CFAP46: variants seen among roughly 807,000 people sequenced by gnomAD.
CFAP46 encodes the protein cilia and flagella associated protein 46.
Under a neutral mutation model 325.7 loss-of-function variants are expected in CFAP46, and 245 were observed. That is an observed-to-expected ratio of 0.75 (90% CI 0.68 to 0.84). The LOEUF (loss-of-function observed/expected upper bound fraction) is 0.84. CFAP46 is among the 40% of genes least tolerant of loss of function. The pLI is 0.00. For missense variants in CFAP46, 3,346 were observed against 3,543.0 expected, an observed-to-expected ratio of 0.94 and a Z score of 1.41; for synonymous variants, 1,523 against 1,495.9, an observed-to-expected ratio of 1.02 and a Z score of -0.42.
chr10:132,938,509 C>A lies in CFAP46; in HGVS notation c.536+80G>T, dbSNP rs545504137. ...CAGTGATGTGGAACTCCCGTCCCCCCCCCGGAGAAGGGGTGGTGGCCTCAG... is the reference window on the plus strand; with the variant it reads ...CAGTGATGTGGAACTCCCGTCCCCCACCCGGAGAAGGGGTGGTGGCCTCAG... On this transcript the variant is annotated intron_variant, in intron 5 of 57. Coordinates refer to ENST00000368586, the MANE Select transcript of CFAP46 (RefSeq NM_001200049.3). The A allele has an allele frequency of 2.7e-5, 38 of 1,389,250 alleles. 1 individual carries two copies. The South Asian group carries it at 3.5e-4, about 13-fold the overall frequency. 86.1% of individuals were successfully genotyped at this position (1,389,250 alleles called of 1,614,324 possible).
chr10:132,910,559 G>A (rs1304612854), intron 19 of CFAP46, among the ~76,000 whole-genome samples: 7 of 152,228 alleles, frequency 4.6e-5, no homozygotes, highest in Admixed American at 3.3e-4. Flanking sequence ...CATGCTGTGC[G>A]CCTCAGTTTC....
chr10:132,840,000 G>A (rs1848323903), intron 44 of CFAP46, among the ~76,000 whole-genome samples: 2 of 152,168 alleles, frequency 1.3e-5, no homozygotes, highest in South Asian at 4.1e-4. Flanking sequence ...TAGTAAAAGA[G>A]GAAGTTGTTT....
At position 132,937,041 on chromosome 10, in the gene CFAP46, T is replaced by C; in HGVS notation, c.675A>G (p.Leu225=). ...QIFSVMVRHE[L]MDELQLKEEK... ...CTTCCTTTAACTGAAGTTCGTCCAT[T>C]AATTCATGACGAACCTGTCATAAAA... The change falls in exon 7 of 58, where the codon TTA becomes TTG. Residue 225 remains leucine, a synonymous_variant. Coordinates refer to ENST00000368586, the MANE Select transcript of CFAP46 (RefSeq NM_001200049.3). 1 of 1,522,764 alleles carries C rather than the reference T, an allele frequency of 6.6e-7. No individual in the cohort carries two copies. Among genetic ancestry groups the C allele is most frequent in the Non-Finnish European group, 8.9e-7 (1 of 1,123,490 alleles). The allele number at this position is 1,522,764 out of a possible 1,614,324, so 94.3% of individuals were successfully genotyped here. A position where few individuals can be genotyped will look rare whatever the true frequency, so the allele number is the denominator to read the frequency against.
Position 132,909,157 on chromosome 10 carries a change from T to C in CFAP46, c.2737A>G (p.Thr913Ala), listed in dbSNP as rs1054387363. 42 of 1,549,308 alleles carry C rather than the reference T, an allele frequency of 2.7e-5. No individual in the cohort carries two copies. The African/African-American group carries it at 4.7e-4, about 17-fold the overall frequency. The change falls in exon 21 of 58, where the codon ACT (threonine) becomes GCT (alanine). Residue 913 changes from threonine to alanine, a missense_variant. Coordinates refer to ENST00000368586, the MANE Select transcript of CFAP46 (RefSeq NM_001200049.3). The stretch of plus-strand genomic sequence containing the variant: ...CCTACCTGGGCCAGGGAGGGGACAG[T>C]GAAGTCCATGAGGCCCAGCCCGTTG... ...SCNGLGLMDFTVPSLAQLVKM... is the reference protein window; with the variant it reads ...SCNGLGLMDFAVPSLAQLVKM...
At chr10:132,866,563 C>T (rs1218370749) in intron 34 of CFAP46, among the ~76,000 whole-genome samples, 1 of 152,218 alleles carries the variant, frequency 6.6e-6, no homozygotes, top group East Asian at 1.9e-4. Context: ...GTGCACCCGG[C>T]CTTGCTAGGG....
intron 31 of CFAP46, among the ~76,000 whole-genome samples, chr10:132,873,472 T>A (rs1302126813): frequency 6.6e-6 from 1 of 152,040 alleles, no homozygotes; most frequent in Non-Finnish European, 1.5e-5. Context: ...CGAGCCTGGC[T>A]GTCAGGCACT....
At chr10:132,860,599 C>A in intron 36 of CFAP46, 76 bp from the exon 37 acceptor site, 1 of 1,254,858 alleles carries the variant, frequency 8.0e-7, no homozygotes, top group Non-Finnish European at 1.1e-6. Flanking sequence ...GACGGGCGGG[C>A]AGGGACAGAT....
Position 132,889,825 on chromosome 10 carries a change from G to GA in CFAP46, c.3304+2507_3304+2508insT, listed in dbSNP as rs1411388694. Among the ~76,000 whole-genome samples the GA allele has an allele frequency of 6.6e-6, 1 of 152,174 alleles. No homozygotes were observed. Among genetic ancestry groups the GA allele is most frequent in the Non-Finnish European group, 1.5e-5 (1 of 68,026 alleles). ...GCCTGTGCTGAGCTCTGGGCCTCGT[G>GA]TTTCCACAGCACAGCATGGCCGTCC... is the stretch of plus-strand genomic sequence containing the variant. On this transcript the variant is annotated intron_variant, in intron 25 of 57. Coordinates refer to ENST00000368586, the MANE Select transcript of CFAP46 (RefSeq NM_001200049.3). The surrounding 1 kb of genome is among the most constrained non-coding windows in gnomAD (Gnocchi z 6.0).
rs1324752677 is a variant in CFAP46, at chr10:132,851,120, G to C, written c.5760C>G (p.Gly1920=). The change falls in exon 40 of 58, where the codon GGC becomes GGG. Residue 1920 remains glycine, a synonymous_variant. Coordinates refer to ENST00000368586, the MANE Select transcript of CFAP46 (RefSeq NM_001200049.3). ...AATCTGTGACCCCAGCAATTACCAG[G>C]CCGACGGAAGTGTAGTCACTGGTGT... is the stretch of plus-strand genomic sequence containing the variant. The part of the protein sequence containing the change: ...LQNTSDYTSV[G]LQWFTLKRTL... The C allele has an allele frequency of 6.2e-7, 1 of 1,613,748 alleles. No homozygotes were observed. The highest frequency in any genetic ancestry group is 1.3e-5 in the African/African-American group (1 of 75,038).
intron 34 of CFAP46, among the ~76,000 whole-genome samples, chr10:132,866,483 T>A (rs952990666): frequency 1.3e-5 from 2 of 152,182 alleles, no homozygotes; most frequent in South Asian, 4.1e-4. Flanking sequence ...CACACACACA[T>A]TGGGGTGTAG....
At chr10:132,925,708 C>T (rs1490490414) in intron 10 of CFAP46, among the ~76,000 whole-genome samples, 1 of 152,268 alleles carries the variant, frequency 6.6e-6, no homozygotes, top group Non-Finnish European at 1.5e-5. Flanking sequence ...GGAGGCAGAC[C>T]CAGGAGCAAG....
chr10:132,909,518 A>G (rs958113831), intron 20 of CFAP46, among the ~76,000 whole-genome samples: 8 of 152,146 alleles, frequency 5.3e-5, no homozygotes, highest in African/African-American at 1.7e-4. Flanking sequence ...TGGGCCTGAC[A>G]TGGTGGCTGC....
At chr10:132,915,641 T>C (rs4601687) in intron 17 of CFAP46, among the ~76,000 whole-genome samples, 87,202 of 151,600 alleles carry the variant, frequency 0.58, 26,065 homozygotes, top group African/African-American at 0.74. Flanking sequence ...GAGGGCGGGG[T>C]GCCGTGCCCA....
At chr10:132,810,797 C>G (rs1847565254) in intron 56 of CFAP46, 153 bp downstream of exon 56, 2 of 794,812 alleles carry the variant, frequency 2.5e-6, no homozygotes, top group East Asian at 5.4e-5. Flanking sequence ...ACAGCCACAC[C>G]TCGCCAACTG....
intron 25 of CFAP46, among the ~76,000 whole-genome samples, chr10:132,888,384 CCGCCTG>C (rs1849200435): frequency 2.4e-5 from 2 of 82,864 alleles, no homozygotes; most frequent in African/African-American, 1.3e-4. Flanking sequence ...TTCACCCCTG[CCGCCTG>C]CACCCCTGCC....
Position 132,860,988 on chromosome 10 carries a change from GGA to G in CFAP46, c.4891-8_4891-7del. ...GCACAAGGCTCATCCAGCTCCTGAA[GGA>G]GAGAAACTCAGACATGCTTGGGTTC... On this transcript the variant is annotated splice_polypyrimidine_tract_variant and splice_region_variant and intron_variant, in intron 35 of 57. Transcript: ENST00000368586. The G allele has an allele frequency of 1.9e-6, 3 of 1,550,508 alleles. No individual in the cohort carries two copies. The highest frequency in any genetic ancestry group is 2.6e-6 in the Non-Finnish European group (3 of 1,147,012).
chr10:132,937,018 T>C lies in CFAP46; in HGVS notation c.698A>G (p.Glu233Gly). The change falls in exon 7 of 58, where the codon GAA becomes GGA. Residue 233 changes from glutamate to glycine, a missense_variant. Physicochemically the swap from Glu to Gly is moderately conservative, Grantham distance 98. Transcript: ENST00000368586. ...CAGGCTAATGGAATTTTTCTTTTCT[T>C]CCTTTAACTGAAGTTCGTCCATTAA... ...HELMDELQLK[E>G]EKKNSISLSV... The C allele has an allele frequency of 1.3e-6, 2 of 1,536,418 alleles. No homozygotes were observed. The highest frequency in any genetic ancestry group is 1.3e-5 in the South Asian group (1 of 77,006).
chr10:132,843,831 C>T (rs1848388530), intron 44 of CFAP46, among the ~76,000 whole-genome samples: 2 of 86,730 alleles, frequency 2.3e-5, no homozygotes, highest in African/African-American at 9.2e-5. Flanking sequence ...TGCTGTGGGG[C>T]TGTGGTCTCG....
At chr10:132,926,766 G>A (rs1849817268) in intron 9 of CFAP46, 100 bp from the exon 10 acceptor site, 3 of 869,668 alleles carry the variant, frequency 3.4e-6, no homozygotes, top group Non-Finnish European at 5.6e-6. Context: ...ACTGGGTAGA[G>A]GTTTAACAAA....
Sources: gnomAD v4.1 joint callset for allele counts (sites outside exome capture counted in the v4.1 genomes callset) on GRCh38, gnomAD v4.1.1 for gene constraint, Gnocchi (gnomAD v3.1) non-coding constraint, MANE v1.5 for transcripts, NCBI Gene and HGNC (gene_info 2026-07-23, HGNC 2026-07-21) for gene names.